XIRP2: variants seen among roughly 807,000 people sequenced by gnomAD.
The protein encoded by XIRP2 is xin actin binding repeat containing 2, also known as xin actin-binding repeat-containing protein 2.
In XIRP2, 236 loss-of-function variants were observed where a neutral mutation model predicts 277.0. The ratio of observed to expected loss-of-function variants is 0.85; its 90% CI spans 0.77 to 0.95. XIRP2 has a LOEUF of 0.95. XIRP2 is among the 40% of genes least tolerant of loss of function. The pLI is 0.00. For missense variants in XIRP2, 4,640 were observed against 4,157.5 expected (o/e 1.12, Z -3.19); for synonymous variants, 1,490 against 1,416.5 (o/e 1.05, Z -1.17).
At chr2:167,192,775 G>A (rs568808805) in intron 3 of XIRP2, among the ~76,000 whole-genome samples, 89 of 152,242 alleles carry the variant, frequency 5.8e-4, no homozygotes, top group African/African-American at 2.0e-3. Flanking sequence ...GTTTCCAACT[G>A]GAACTCAGGA....
rs1055870206 is a variant in XIRP2 at position 167,259,195 on chromosome 2, G to T, written c.*1378G>T. On this transcript the variant is annotated 3_prime_UTR_variant, in exon 11 of 11. Coordinates refer to ENST00000409195, the MANE Select transcript of XIRP2 (RefSeq NM_152381.6). ...AATTTGGAAAGGATGTTAAACCTTGGCATGTTGAAACAACAGAAGCTGCCC... is the reference window on the plus strand; with the variant it reads ...AATTTGGAAAGGATGTTAAACCTTGTCATGTTGAAACAACAGAAGCTGCCC... 1.2e-6 allele frequency: 2 copies of T among 1,613,370 alleles called. No homozygotes were observed. Among genetic ancestry groups the T allele is most frequent in the Non-Finnish European group, 1.7e-6 (2 of 1,179,686 alleles).
At position 167,247,983 on chromosome 2, in the gene XIRP2, G is replaced by C. The variant is rs755280119; in HGVS notation, c.6591G>C (p.Lys2197Asn). 6.2e-7 allele frequency: 1 copy of C among 1,612,044 alleles called. No homozygotes were observed. Among genetic ancestry groups the C allele is most frequent in the Non-Finnish European group, 8.5e-7 (1 of 1,179,374 alleles). The change falls in exon 9 of 11, where the codon AAG (lysine) becomes AAC (asparagine). Residue 2197 changes from lysine (K) to asparagine (N), a missense_variant. Transcript: ENST00000409195. ...LLKQETKYSN[K>N]DIKKKNINLQ... is the part of the protein sequence containing the mutation. ...AGCAAGAAACAAAATATTCTAATAAGGATATAAAGAAAAAGAATATAAACC... is the reference window on the plus strand; with the variant it reads ...AGCAAGAAACAAAATATTCTAATAACGATATAAAGAAAAAGAATATAAACC...
chr2:166,938,375 G>A (rs1332891492), intron 2 of XIRP2, among the ~76,000 whole-genome samples: 2 of 152,164 alleles, frequency 1.3e-5, no homozygotes, highest in Non-Finnish European at 2.9e-5. Context: ...TCAGGAGCAG[G>A]TTGTTCAGTT....
intron 10 of XIRP2, among the ~76,000 whole-genome samples, chr2:167,255,313 AC>A (rs538561888): frequency 6.6e-6 from 1 of 151,872 alleles, no homozygotes; most frequent in Non-Finnish European, 1.5e-5. Context: ...TCTCATAAGT[AC>A]AGCAAACTCA....
At chr2:167,005,822 C>G (rs959678638) in intron 2 of XIRP2, among the ~76,000 whole-genome samples, 1 of 151,412 alleles carries the variant, frequency 6.6e-6, no homozygotes, top group Non-Finnish European at 1.5e-5. Context: ...TGGCTGTTTG[C>G]TGAGCCAAAA....
rs963667576 is a variant in XIRP2 at position 167,005,718 on chromosome 2, A to G, written c.408+101828A>G. On this transcript the variant is annotated intron_variant, in intron 2 of 10. Transcript: ENST00000409195. ...GGATGATCTTAAATTATTTGAAACA[A>G]AAGACAAATAATGAACATCTGGAAA... 5.3e-5 allele frequency among the ~76,000 whole-genome samples: 8 copies of G among 151,752 alleles called. No homozygotes were observed. The South Asian group carries it at 6.2e-4, about 12-fold the overall frequency.
At chr2:166,960,391 T>C (rs1349184881) in intron 2 of XIRP2, among the ~76,000 whole-genome samples, 2 of 151,750 alleles carry the variant, frequency 1.3e-5, no homozygotes, top group Non-Finnish European at 2.9e-5. Flanking sequence ...AAAAAGGGCA[T>C]GTGACTGTTT....
Position 167,171,125 on chromosome 2 carries a change from C to T in XIRP2, c.562+35063C>T, listed in dbSNP as rs1048308832. 3.3e-5 allele frequency among the ~76,000 whole-genome samples: 5 copies of T among 152,118 alleles called. No homozygotes were observed. In the East Asian group the frequency reaches 9.7e-4, roughly 30 times the overall value. On this transcript the variant is annotated intron_variant, in intron 3 of 10. Transcript: ENST00000409195. ...ATGTTGGCCAGGCTGGTCTCGAACT[C>T]CTGACCTCAGGTGATCTGTCCACCT...
chr2:166,890,077 C>T (rs892478410), intron 1 of XIRP2, among the ~76,000 whole-genome samples: 2 of 150,260 alleles, frequency 1.3e-5, no homozygotes, highest in South Asian at 2.1e-4. Context: ...CTCACTGCAA[C>T]GTCCACCTCC....
At chr2:167,021,806 CAG>C (rs1574171759) in intron 2 of XIRP2, among the ~76,000 whole-genome samples, 1 of 152,018 alleles carries the variant, frequency 6.6e-6, no homozygotes. Flanking sequence ...GCCTGGGTGA[CAG>C]AGAGAGATCC....
At position 167,246,611 on chromosome 2, in the gene XIRP2, G is replaced by A; in HGVS notation, c.5219G>A (p.Arg1740Lys). Reference sequence around the variant, plus strand: ...AGGGCTAAAATTGATGCCTCTGAGAGAGGAAATGTTCAGTTTTTCACAACC... The same window carrying A: ...AGGGCTAAAATTGATGCCTCTGAGAAAGGAAATGTTCAGTTTTTCACAACC... ...SERAKIDASERGNVQFFTTCI... is the reference protein window; with the variant it reads ...SERAKIDASEKGNVQFFTTCI... The change falls in exon 9 of 11, where the codon AGA becomes AAA. Residue 1740 changes from arginine (R) to lysine (K), a missense_variant. Transcript: ENST00000409195. 1 of 1,613,746 alleles carries A rather than the reference G, an allele frequency of 6.2e-7. No homozygotes were observed. The highest frequency in any genetic ancestry group is 8.5e-7 in the Non-Finnish European group (1 of 1,179,798).
Position 167,194,072 on chromosome 2 carries a change from C to CCTTTT in XIRP2, c.563-16652_563-16648dup, listed in dbSNP as rs1006523376. ...ATTTTCATTGTTGATACCATCTTTC[C>CCTTTT]CTTTTCTTTTCTTTTTTCTTTTTTT... On this transcript the variant is annotated intron_variant, in intron 3 of 10. Coordinates refer to ENST00000409195, the MANE Select transcript of XIRP2 (RefSeq NM_152381.6). Among the ~76,000 whole-genome samples, 4 of 151,434 alleles carry CCTTTT rather than the reference C, an allele frequency of 2.6e-5. No homozygotes were observed. The East Asian group carries it at 5.9e-4, about 22-fold the overall frequency.
chr2:167,245,885 C>A lies in XIRP2; in HGVS notation c.4493C>A (p.Thr1498Asn). The A allele has an allele frequency of 6.2e-7, 1 of 1,613,684 alleles. No individual in the cohort carries two copies. The highest frequency in any genetic ancestry group is 8.5e-7 in the Non-Finnish European group (1 of 1,179,724). ...KQAVWLFENR[T>N]FDSIMEAHKG... ...GCTGTGTGGCTTTTTGAAAATCGAA[C>A]TTTCGATTCTATTATGGAAGCACAT... Residue 1498 changes from threonine (T) to asparagine (N), a missense_variant, in exon 9 of 11, where the codon ACT becomes AAT. Physicochemically the swap from Thr to Asn is moderately conservative, Grantham distance 65. Transcript: ENST00000409195.
chr2:167,216,617 A>C (rs1174529299), intron 4 of XIRP2, among the ~76,000 whole-genome samples: 1 of 36,170 alleles, frequency 2.8e-5, no homozygotes, highest in Non-Finnish European at 4.2e-5. Flanking sequence ...GGCAATCATT[A>C]AAAAGTCAGG....
chr2:166,997,943 G>A lies in XIRP2; in HGVS notation c.408+94053G>A, dbSNP rs78050110. 7.3e-4 allele frequency among the ~76,000 whole-genome samples: 111 copies of A among 151,646 alleles called. 2 individuals carry two copies. In the East Asian group the frequency reaches 0.02, roughly 27 times the overall value. On this transcript the variant is annotated intron_variant, in intron 2 of 10. Transcript: ENST00000409195. ...AGAAGAAGAAGTTCAGTTGACTAAC[G>A]CTTACTGAGCGCCATTTTGGTTTAG...
Position 167,244,347 on chromosome 2 carries a change from A to T in XIRP2, c.2955A>T (p.Thr985=), listed in dbSNP as rs1482116033. The T allele has an allele frequency of 6.2e-7, 1 of 1,613,756 alleles. No individual in the cohort carries two copies. The highest frequency in any genetic ancestry group is 8.5e-7 in the Non-Finnish European group (1 of 1,179,812). The change falls in exon 9 of 11, where the codon ACA becomes ACT. Residue 985 remains threonine, a synonymous_variant. Transcript: ENST00000409195. ...AVELNKSLFE[T]TPLYAIQDPL... is the part of the protein sequence containing the mutation. ...AGTTAAATAAATCTCTCTTCGAGAC[A>T]ACACCACTGTATGCCATTCAAGATC...
At chr2:167,042,957 A>T (rs1688696125) in intron 2 of XIRP2, among the ~76,000 whole-genome samples, 1 of 152,088 alleles carries the variant, frequency 6.6e-6, no homozygotes, top group African/African-American at 2.4e-5. Context: ...AACAAATTCA[A>T]AACAACCAAA....
rs143172780 is a variant in XIRP2, at chr2:167,096,482, A to G, written c.409-39427A>G. On this transcript the variant is annotated intron_variant, in intron 2 of 10. Transcript: ENST00000409195. Reference sequence around the variant, plus strand: ...GGTTAGTGGTCTATCTATTTTGCCAATCTTTTCAAAAAACCAGCTCATGAA... The same window carrying G: ...GGTTAGTGGTCTATCTATTTTGCCAGTCTTTTCAAAAAACCAGCTCATGAA... Among the ~76,000 whole-genome samples the G allele has an allele frequency of 3.3e-3, 495 of 152,136 alleles. 6 individuals carry two copies. Among genetic ancestry groups the G allele is most frequent in the African/African-American group, 0.011 (468 of 41,516 alleles).
intron 2 of XIRP2, among the ~76,000 whole-genome samples, chr2:167,122,399 A>G (rs1289742790): frequency 6.6e-6 from 1 of 152,190 alleles, no homozygotes; most frequent in East Asian, 1.9e-4. Flanking sequence ...TTTTCTATTC[A>G]TTTGCACATT....
Sources: allele counts gnomAD v4.1 joint callset (sites outside exome capture counted in the v4.1 genomes callset), GRCh38; gene constraint gnomAD v4.1.1; transcripts MANE v1.5; gene names NCBI Gene and HGNC (gene_info 2026-07-23, HGNC 2026-07-21).